Variants in KLHL32 observed in about 807,000 individuals in gnomAD.
KLHL32 encodes kelch like family member 32, also known as kelch-like protein 32.
KLHL32 carries 35 observed loss-of-function variants against 64.8 expected under a neutral mutation model. The ratio of observed to expected loss-of-function variants is 0.54; its 90% CI spans 0.41 to 0.72. The LOEUF is 0.72. Ranked by LOEUF, KLHL32 falls within the 30% of genes least tolerant of loss-of-function variation. The probability of loss-of-function intolerance (pLI) is 0.00; values close to 1 mark genes in which losing one functional copy is unlikely to be tolerated. For missense variants in KLHL32, 589 were observed against 768.5 expected, an observed-to-expected ratio of 0.77 and a Z score of 2.76; for synonymous variants, 259 against 281.0, an observed-to-expected ratio of 0.92 and a Z score of 0.78.
At chr6:97,125,768 C>T (rs1409709321) in intron 7 of KLHL32, among the ~76,000 whole-genome samples, 1 of 152,108 alleles carries the variant, frequency 6.6e-6, no homozygotes, top group African/African-American at 2.4e-5. Flanking sequence ...AAAAGCGAGA[C>T]TCTGTCTCAA....
intron 1 of KLHL32, 42 bp from the exon 2 acceptor site, chr6:96,966,954 C>T: frequency 1.0e-6 from 1 of 971,172 alleles, no homozygotes. Context: ...TGCTTTTCTG[C>T]ATTTAGCTCA....
chr6:97,085,118 G>A lies in KLHL32; in HGVS notation c.412-8G>A, dbSNP rs1198988695. On this transcript the variant is annotated splice_region_variant and splice_polypyrimidine_tract_variant and intron_variant, in intron 5 of 10. Coordinates refer to ENST00000369261, the MANE Select transcript of KLHL32 (RefSeq NM_052904.4). ...GATCTTTTTTCATTTTTATTTTTTG[G>A]CACCCAGGAATTAAATAGCTTTAAT... is the stretch of plus-strand genomic sequence containing the variant. The A allele has an allele frequency of 6.3e-7, 1 of 1,599,920 alleles. No individual in the cohort carries two copies. The highest frequency in any genetic ancestry group is 8.5e-7 in the Non-Finnish European group (1 of 1,172,500).
At chr6:96,946,253 T>C (rs955314846) in intron 1 of KLHL32, among the ~76,000 whole-genome samples, 1 of 152,194 alleles carries the variant, frequency 6.6e-6, no homozygotes, top group Non-Finnish European at 1.5e-5. Flanking sequence ...ATATATAATA[T>C]CTATTTTCAG....
At chr6:97,130,328 G>A (rs902525160) in intron 8 of KLHL32, among the ~76,000 whole-genome samples, 1 of 152,162 alleles carries the variant, frequency 6.6e-6, no homozygotes, top group African/African-American at 2.4e-5. Flanking sequence ...TCACATACAA[G>A]TTATAAACCC....
intron 3 of KLHL32, among the ~76,000 whole-genome samples, chr6:97,018,193 G>C (rs534604868): frequency 5.3e-5 from 8 of 152,134 alleles, no homozygotes; most frequent in Non-Finnish European, 1.0e-4. Flanking sequence ...GAGAAAAAAA[G>C]AAACAGAGAA....
intron 1 of KLHL32, among the ~76,000 whole-genome samples, chr6:96,958,767 G>T (rs1562192435): frequency 6.6e-6 from 1 of 152,110 alleles, no homozygotes; most frequent in Non-Finnish European, 1.5e-5. Flanking sequence ...ATTCAGAAAG[G>T]GTCATATCTG....
intron 8 of KLHL32, among the ~76,000 whole-genome samples, chr6:97,128,110 T>C (rs1011189971): frequency 6.6e-6 from 1 of 152,256 alleles, no homozygotes; most frequent in Admixed American, 6.5e-5. Flanking sequence ...TTTTTGATTA[T>C]GACGGTATTC....
At chr6:97,090,462 G>C (rs1397167756) in intron 6 of KLHL32, among the ~76,000 whole-genome samples, 1 of 152,104 alleles carries the variant, frequency 6.6e-6, no homozygotes, top group Non-Finnish European at 1.5e-5. Flanking sequence ...CACAGAATCA[G>C]CCACGTTACA....
Position 96,925,012 on chromosome 6 carries a change from C to G in KLHL32, c.-80C>G, listed in dbSNP as rs1308165511. The G allele has an allele frequency of 1.3e-5, 2 of 152,254 alleles. No individual in the cohort carries two copies. The highest frequency in any genetic ancestry group is 2.4e-5 in the African/African-American group (1 of 41,436). The allele number at this position is 152,254 out of a possible 1,614,324, so 9.4% of individuals were successfully genotyped here. A position where few individuals can be genotyped will look rare whatever the true frequency, so the allele number is the denominator to read the frequency against. ...GTCTCTGGCACCTAACCCAGCAGAC[C>G]GCTCACCCCATCGGGTAAGCCAGTC... On this transcript the variant is annotated 5_prime_UTR_variant, in exon 1 of 11. Coordinates refer to ENST00000369261, the MANE Select transcript of KLHL32 (RefSeq NM_052904.4).
At chr6:96,995,309 A>C (rs1442369295) in intron 3 of KLHL32, among the ~76,000 whole-genome samples, 8 of 152,176 alleles carry the variant, frequency 5.3e-5, no homozygotes, top group Admixed American at 5.2e-4. Context: ...TCACTTTTTG[A>C]TGGGTCAGAA....
chr6:96,973,482 A>C (rs1775329300), intron 2 of KLHL32, among the ~76,000 whole-genome samples: 1 of 152,180 alleles, frequency 6.6e-6, no homozygotes, highest in African/African-American at 2.4e-5. Context: ...TGAAAGTTTC[A>C]AATATATTTT....
chr6:97,066,187 C>T (rs1041089633), intron 5 of KLHL32, among the ~76,000 whole-genome samples: 13 of 152,300 alleles, frequency 8.5e-5, no homozygotes, highest in African/African-American at 2.9e-4. Context: ...TTGGGCTTTA[C>T]GCATCATCAC....
At position 97,114,288 on chromosome 6, in the gene KLHL32, G is replaced by T. The variant is rs1382408167; in HGVS notation, c.1133G>T (p.Trp378Leu). 3.1e-6 allele frequency: 5 copies of T among 1,614,136 alleles called. 1 individual carries two copies. The South Asian group carries it at 5.5e-5, about 18-fold the overall frequency. ...ACRYDPRSNS[W>L]AEIAPMKNCR... ...CGCTATGACCCCCGCAGTAATTCCTGGGCAGAGATAGCACCCATGAAAAAC... is the reference window on the plus strand; with the variant it reads ...CGCTATGACCCCCGCAGTAATTCCTTGGCAGAGATAGCACCCATGAAAAAC... Residue 378 changes from tryptophan to leucine, a missense_variant, in exon 7 of 11, where the codon TGG becomes TTG. Coordinates refer to ENST00000369261, the MANE Select transcript of KLHL32 (RefSeq NM_052904.4).
chr6:96,926,842 T>G (rs1022996274), intron 1 of KLHL32, among the ~76,000 whole-genome samples: 1 of 152,226 alleles, frequency 6.6e-6, no homozygotes, highest in Non-Finnish European at 1.5e-5. Context: ...GTATCCTTAA[T>G]TTTAAAAACT....
At position 96,966,978 on chromosome 6, in the gene KLHL32, T is replaced by A; in HGVS notation, c.-65-18T>A. On this transcript the variant is annotated intron_variant, in intron 1 of 10. Coordinates refer to ENST00000369261, the MANE Select transcript of KLHL32 (RefSeq NM_052904.4). ...GCATTTAGCTCAATGCACCCTTTTC[T>A]CTTGTCTTTTTATTCAGCTGGAATG... 7.6e-7 allele frequency: 1 copy of A among 1,309,544 alleles called. No individual in the cohort carries two copies. 81.1% of individuals were successfully genotyped at this position (1,309,544 alleles called of 1,614,324 possible).
intron 3 of KLHL32, among the ~76,000 whole-genome samples, chr6:97,020,474 C>CA (rs1781839044): frequency 6.6e-6 from 1 of 150,490 alleles, no homozygotes; most frequent in Non-Finnish European, 1.5e-5. Context: ...ACAAAATAAG[C>CA]ACACATTTTG....
intron 3 of KLHL32, among the ~76,000 whole-genome samples, chr6:96,996,008 G>A (rs982920879): frequency 1.3e-5 from 2 of 152,198 alleles, no homozygotes; most frequent in Non-Finnish European, 2.9e-5. Context: ...AGAGAAATGA[G>A]GGGCCTCGAG....
rs58452727 is a variant in KLHL32, at chr6:97,111,038, G to A, written c.628-2745G>A. 1.3e-3 allele frequency among the ~76,000 whole-genome samples: 202 copies of A among 152,192 alleles called. 1 individual carries two copies. In the Middle Eastern group the frequency reaches 0.024, roughly 18 times the overall value. ...ATACCACAGAAAAGTCTTGGGGGGG[G>A]GGGGTCTTAGCCAACCACCTGTTAC... On this transcript the variant is annotated intron_variant, in intron 6 of 10. Coordinates refer to ENST00000369261, the MANE Select transcript of KLHL32 (RefSeq NM_052904.4).
chr6:96,977,883 A>G (rs1195100021), intron 3 of KLHL32, among the ~76,000 whole-genome samples: 1 of 152,226 alleles, frequency 6.6e-6, no homozygotes. Flanking sequence ...CTAAACTACA[A>G]AGATGATACA....
Sources: gnomAD v4.1 joint callset for allele counts (sites outside exome capture counted in the v4.1 genomes callset) on GRCh38, gnomAD v4.1.1 for gene constraint, MANE v1.5 for transcripts, NCBI Gene and HGNC (gene_info 2026-07-23, HGNC 2026-07-21) for gene names.